The following NREP variants were observed in gnomAD, a reference collection of about 807,000 sequenced individuals.
NREP encodes neuronal regeneration-related protein.
A neutral mutation model predicts 8.6 loss-of-function variants in NREP; 5 were observed. The ratio of observed to expected loss-of-function variants is 0.58; its 90% CI spans 0.30 to 1.22. The LOEUF (loss-of-function observed/expected upper bound fraction) is 1.22. Ranked by LOEUF, NREP falls within the 50% of genes most tolerant of loss-of-function variation. The pLI is 0.07. For missense variants in NREP, 86 were observed against 82.5 expected (o/e 1.04, Z -0.17); for synonymous variants, 27 against 28.0 (o/e 0.96, Z 0.11).
intron 2 of NREP, among the ~76,000 whole-genome samples, chr5:111,878,215 T>C (rs1753957912): frequency 6.6e-6 from 1 of 152,204 alleles, no homozygotes; most frequent in African/African-American, 2.4e-5. Context: ...ATTCATATAA[T>C]AGATGTACTA....
At chr5:111,819,034 G>C (rs2112922333) in intron 2 of NREP, among the ~76,000 whole-genome samples, 1 of 152,244 alleles carries the variant, frequency 6.6e-6, no homozygotes, top group African/African-American at 2.4e-5. Context: ...GAATCAGTAT[G>C]TCAGTATGTT....
chr5:111,925,727 G>C (rs912603181), intron 2 of NREP, among the ~76,000 whole-genome samples: 18 of 152,126 alleles, frequency 1.2e-4, no homozygotes, highest in African/African-American at 4.3e-4. Context: ...GATCTGTTGT[G>C]GACAGCTTAG....
intron 2 of NREP, among the ~76,000 whole-genome samples, chr5:111,903,466 T>C (rs921213271): frequency 3.9e-5 from 6 of 152,128 alleles, no homozygotes; most frequent in African/African-American, 1.4e-4. Context: ...AAAGTTTAAT[T>C]TGAATAGAGG....
At chr5:111,830,656 G>T (rs1298589917) in intron 2 of NREP, among the ~76,000 whole-genome samples, 1 of 152,214 alleles carries the variant, frequency 6.6e-6, no homozygotes, top group South Asian at 2.1e-4. Context: ...TAGGGGTGTG[G>T]CTGAGGTCTC....
intron 2 of NREP, among the ~76,000 whole-genome samples, chr5:111,747,973 C>A (rs778521028): frequency 6.6e-5 from 10 of 152,176 alleles, no homozygotes; most frequent in Non-Finnish European, 1.5e-4. Context: ...ATTTGGTCTA[C>A]TGTCATGACT....
At chr5:111,738,110 AT>A (rs1749313146) in intron 2 of NREP, among the ~76,000 whole-genome samples, 2 of 152,224 alleles carry the variant, frequency 1.3e-5, no homozygotes, top group Non-Finnish European at 2.9e-5. Flanking sequence ...TAAAGGAGAT[AT>A]TTAAACTTTT....
At chr5:111,885,726 A>T (rs1170351459) in intron 2 of NREP, among the ~76,000 whole-genome samples, 2 of 152,228 alleles carry the variant, frequency 1.3e-5, no homozygotes, top group Admixed American at 1.3e-4. Context: ...TGGGGAAAGG[A>T]TTCCCTATTT....
Position 111,788,918 on chromosome 5 carries a change from A to C in NREP, c.136-53411T>G, listed in dbSNP as rs565325294. 2.4e-4 allele frequency among the ~76,000 whole-genome samples: 36 copies of C among 152,306 alleles called. No homozygotes were observed. In the South Asian group the frequency reaches 6.6e-3, roughly 28 times the overall value. On this transcript the variant is annotated intron_variant, in intron 2 of 3. Transcript: ENST00000395634. ...ATAACAAAAAGCTGACCATCCCCTGATTAAGAGCAAATTCTTCTGCCTAAT... is the reference window on the plus strand; with the variant it reads ...ATAACAAAAAGCTGACCATCCCCTGCTTAAGAGCAAATTCTTCTGCCTAAT...
chr5:111,871,083 T>TGTGTGTGG (rs899592085), intron 2 of NREP, among the ~76,000 whole-genome samples: 32 of 151,728 alleles, frequency 2.1e-4, no homozygotes, highest in Admixed American at 6.6e-5. Context: ...TGTGTGTGTG[T>TGTGTGTGG]GTGTGTAGTC....
intron 2 of NREP, among the ~76,000 whole-genome samples, chr5:111,785,287 CTTTTT>C (rs1196303349): frequency 3.3e-5 from 5 of 151,262 alleles, no homozygotes; most frequent in African/African-American, 9.7e-5. Context: ...AATGGCTATT[CTTTTT>C]TTTTGAGATG....
chr5:111,857,768 TAATA>T (rs1753457395), intron 2 of NREP, among the ~76,000 whole-genome samples: 1 of 152,164 alleles, frequency 6.6e-6, no homozygotes. Context: ...AGTAAGAACT[TAATA>T]AATATTTGTT....
intron 2 of NREP, among the ~76,000 whole-genome samples, chr5:111,966,691 C>T (rs547687247): frequency 6.6e-6 from 1 of 152,014 alleles, no homozygotes; most frequent in South Asian, 2.1e-4. Context: ...TATTATCAAA[C>T]AGAAAATGAA....
Position 111,755,788 on chromosome 5 carries a change from C to G in NREP, c.-16G>C. 1 of 1,613,878 alleles carries G rather than the reference C, an allele frequency of 6.2e-7. No homozygotes were observed. The highest frequency in any genetic ancestry group is 8.5e-7 in the Non-Finnish European group (1 of 1,179,808). On this transcript the variant is annotated 5_prime_UTR_variant, in exon 2 of 4. Coordinates refer to ENST00000257435, the MANE Select transcript of NREP (RefSeq NM_004772.4). ...GTCTTACCATTTTGAGAATCTTAGT[C>G]TTGGGCTTCTATTCTCCCTCTCTTC...
chr5:111,937,693 A>G (rs967424637), intron 2 of NREP, among the ~76,000 whole-genome samples: 1 of 151,998 alleles, frequency 6.6e-6, no homozygotes, highest in East Asian at 1.9e-4. Flanking sequence ...CCAAGTCCCC[A>G]ACTCCTTTGA....
At chr5:111,853,231 G>T (rs1439713945) in intron 2 of NREP, among the ~76,000 whole-genome samples, 1 of 152,128 alleles carries the variant, frequency 6.6e-6, no homozygotes, top group African/African-American at 2.4e-5. Context: ...CCAGGGGTTA[G>T]GAGGTAGGGA....
intron 1 of NREP, among the ~76,000 whole-genome samples, chr5:111,975,826 T>C (rs752073162): frequency 2.6e-5 from 4 of 152,298 alleles, no homozygotes; most frequent in East Asian, 1.9e-4. Flanking sequence ...TCCCCAAAAA[T>C]AGTTAATTTC....
intron 2 of NREP, among the ~76,000 whole-genome samples, chr5:111,856,077 A>G (rs1009915740): frequency 2.6e-5 from 4 of 152,084 alleles, no homozygotes; most frequent in Admixed American, 2.6e-4. Flanking sequence ...TGCTAGTTGT[A>G]TACTAGTACA....
chr5:111,757,852 C>T (rs1764475165), upstream of NREP: 1 of 974,584 alleles, frequency 1.0e-6, no homozygotes, highest in Non-Finnish European at 1.2e-6. Context: ...TTTGGGGGCG[C>T]GCCAAGCGTG....
intron 2 of NREP, among the ~76,000 whole-genome samples, chr5:111,942,075 A>C (rs1240646775): frequency 6.6e-6 from 1 of 152,024 alleles, no homozygotes. Context: ...GATCGATTCC[A>C]TGAGACATCA....
Sources: gnomAD v4.1 joint callset for allele counts (sites outside exome capture counted in the v4.1 genomes callset) on GRCh38, gnomAD v4.1.1 for gene constraint, MANE v1.5 for transcripts, NCBI Gene and HGNC (gene_info 2026-07-23, HGNC 2026-07-21) for gene names.